GPATCH2L: variants seen among roughly 807,000 people sequenced by gnomAD.
GPATCH2L encodes G patch domain-containing protein 2-like.
GPATCH2L carries 31 observed loss-of-function variants against 57.4 expected under a neutral mutation model. The ratio of observed to expected loss-of-function variants is 0.54; its 90% CI spans 0.41 to 0.73. The LOEUF (loss-of-function observed/expected upper bound fraction) is 0.73. Among genes scored for constraint, GPATCH2L ranks in the 30% least tolerant of loss-of-function variants. GPATCH2L has a pLI of 0.00. For synonymous variants in GPATCH2L, 199 were observed against 210.7 expected (o/e 0.94, Z 0.48); for missense variants, 481 against 599.9 (o/e 0.80, Z 2.07).
chr14:76,176,115 AT>A (rs2039313639), intron 5 of GPATCH2L: 1 of 152,384 alleles, frequency 6.6e-6, no homozygotes, highest in South Asian at 2.1e-4. Flanking sequence ...CAGAGTAACA[AT>A]TTTTGCAAGT....
chr14:76,154,675 C>A lies in GPATCH2L; in HGVS notation c.312C>A (p.Val104=). The A allele has an allele frequency of 6.2e-7, 1 of 1,614,184 alleles. No individual in the cohort carries two copies. Among genetic ancestry groups the A allele is most frequent in the Non-Finnish European group, 8.5e-7 (1 of 1,180,032 alleles). Residue 104 remains valine, a synonymous_variant, in exon 2 of 10, where the codon GTC becomes GTA. Coordinates refer to ENST00000261530, the MANE Select transcript of GPATCH2L (RefSeq NM_017926.4). This position sits in a 1 kb window ranked among gnomAD's most constrained non-coding sequence, Gnocchi z 4.4. ...AKRHPALNAI[V]KSKQHSWHES... is the part of the protein sequence containing the mutation. ...GACACCCAGCTCTCAATGCCATTGT[C>A]AAGAGTAAGCAACATTCTTGGCATG...
chr14:76,180,921 T>C, intron 8 of GPATCH2L, 72 bp downstream of exon 8: 2 of 901,838 alleles, frequency 2.2e-6, no homozygotes, highest in Non-Finnish European at 3.7e-6. Context: ...CCTCAAATTA[T>C]AGAGTATGCT....
chr14:76,196,751 C>T (rs1274475801), intron 9 of GPATCH2L, among the ~76,000 whole-genome samples: 1 of 151,960 alleles, frequency 6.6e-6, no homozygotes, highest in Non-Finnish European at 1.5e-5. Context: ...ATTTTATTTT[C>T]TTTAGAAAAT....
At chr14:76,191,368 G>A (rs1291252628) in intron 8 of GPATCH2L, among the ~76,000 whole-genome samples, 2 of 152,064 alleles carry the variant, frequency 1.3e-5, no homozygotes, top group East Asian at 3.9e-4. Context: ...CTGGAATTTG[G>A]GGATGAACAA....
chr14:76,167,675 A>G (rs981271584), intron 3 of GPATCH2L, among the ~76,000 whole-genome samples: 13 of 152,152 alleles, frequency 8.5e-5, no homozygotes, highest in Admixed American at 3.9e-4. Flanking sequence ...TGAGCTTCCT[A>G]CTGTAATGGA....
At position 76,206,446 on chromosome 14, in the gene GPATCH2L, A is replaced by T. The variant is rs1441717041; in HGVS notation, c.*4595A>T. 1 of 152,100 alleles carries T rather than the reference A, an allele frequency of 6.6e-6. No individual in the cohort carries two copies. Among genetic ancestry groups the T allele is most frequent in the Admixed American group, 6.5e-5 (1 of 15,272 alleles). The allele number at this position is 152,100 out of a possible 1,614,324, so 9.4% of individuals were successfully genotyped here. On this transcript the variant is annotated 3_prime_UTR_variant, in exon 10 of 10. Coordinates refer to ENST00000261530, the MANE Select transcript of GPATCH2L (RefSeq NM_017926.4). ...AAACAAACTATGGCCAAAAGAAGAA[A>T]TTTTTCTGTCACTGCGAGTAGACAT...
At position 76,211,198 on chromosome 14, in the gene GPATCH2L, AAG is replaced by A. The variant is rs1222356114; in HGVS notation, c.*9353_*9354del. 1 of 152,278 alleles carries A rather than the reference AAG, an allele frequency of 6.6e-6. No individual in the cohort carries two copies. Among genetic ancestry groups the A allele is most frequent in the Non-Finnish European group, 1.5e-5 (1 of 68,094 alleles). 9.4% of individuals were successfully genotyped at this position (152,278 alleles called of 1,614,324 possible). On this transcript the variant is annotated 3_prime_UTR_variant, in exon 10 of 10. Transcript: ENST00000261530. ...CACATGTAAAGCTTACAGAGGAACA[AAG>A]AGAGAAAGGCAAGAGCCAGGAAGTG...
At chr14:76,186,415 A>C (rs921444185) in intron 8 of GPATCH2L, among the ~76,000 whole-genome samples, 1 of 152,144 alleles carries the variant, frequency 6.6e-6, no homozygotes, top group African/African-American at 2.4e-5. Flanking sequence ...AAAGAGTAAG[A>C]AGAAGACTCA....
At chr14:76,164,149 A>C (rs1301462432) in intron 2 of GPATCH2L, among the ~76,000 whole-genome samples, 4 of 152,286 alleles carry the variant, frequency 2.6e-5, no homozygotes, top group Non-Finnish European at 5.9e-5. Flanking sequence ...TGGGATGTTG[A>C]CTGCTGCATC....
chr14:76,232,298 T>G (rs1326357130), intron 2 of GPATCH2L, among the ~76,000 whole-genome samples: 1 of 152,166 alleles, frequency 6.6e-6, no homozygotes, highest in African/African-American at 2.4e-5. Flanking sequence ...TTACAGTTGT[T>G]CCCAGGCTTT....
intron 1 of GPATCH2L, among the ~76,000 whole-genome samples, chr14:76,223,817 C>G (rs757786704): frequency 8.5e-5 from 13 of 152,136 alleles, no homozygotes; most frequent in Non-Finnish European, 1.3e-4. Context: ...GCATGGCCAA[C>G]AAGCACACGA....
rs181938217 is a variant in GPATCH2L at position 76,183,485 on chromosome 14, A to T, written c.1193+2636A>T. Among the ~76,000 whole-genome samples the T allele has an allele frequency of 4.9e-3, 746 of 152,006 alleles. 10 individuals are homozygous for T. Among genetic ancestry groups the T allele is most frequent in the African/African-American group, 0.017 (686 of 41,442 alleles). ...TTTATAGCAAAAAAATTATAGCAAA[A>T]TTTTTTTTGTTTTAAATTATACATA... On this transcript the variant is annotated intron_variant, in intron 8 of 9. Transcript: ENST00000261530.
chr14:76,216,049 A>T (rs543253824), downstream of GPATCH2L, among the ~76,000 whole-genome samples: 1 of 152,106 alleles, frequency 6.6e-6, no homozygotes, highest in East Asian at 1.9e-4. Context: ...GCTGACTGAG[A>T]TGGATGCAGG....
At chr14:76,232,104 G>T (rs1181531289) in intron 2 of GPATCH2L, among the ~76,000 whole-genome samples, 3 of 21,020 alleles carry the variant, frequency 1.4e-4, no homozygotes, top group African/African-American at 2.7e-4. Flanking sequence ...TAGCAACAGG[G>T]TCTCACCATA....
intron 2 of GPATCH2L, among the ~76,000 whole-genome samples, chr14:76,165,408 C>T (rs1186853085): frequency 6.6e-6 from 1 of 151,042 alleles, no homozygotes; most frequent in Admixed American, 6.6e-5. Context: ...AGGAGAATTG[C>T]TTGAACCTGG....
chr14:76,161,853 T>C (rs899591380), intron 2 of GPATCH2L, among the ~76,000 whole-genome samples: 1 of 152,132 alleles, frequency 6.6e-6, no homozygotes, highest in African/African-American at 2.4e-5. Flanking sequence ...CTGACCAATG[T>C]GGTGAAACCT....
At position 76,195,872 on chromosome 14, in the gene GPATCH2L, C is replaced by T. The variant is rs1436522914; in HGVS notation, c.1194-6C>T. 1 of 1,606,978 alleles carries T rather than the reference C, an allele frequency of 6.2e-7. No individual in the cohort carries two copies. On this transcript the variant is annotated splice_polypyrimidine_tract_variant and splice_region_variant and intron_variant, in intron 8 of 9. Coordinates refer to ENST00000261530, the MANE Select transcript of GPATCH2L (RefSeq NM_017926.4). ...CAAACCATTTTTCTTCTTCTTACATCTGCAGACAGGCAAATGTACACTGGG... is the reference window on the plus strand; with the variant it reads ...CAAACCATTTTTCTTCTTCTTACATTTGCAGACAGGCAAATGTACACTGGG...
intron 2 of GPATCH2L, among the ~76,000 whole-genome samples, chr14:76,165,446 C>T (rs1291288226): frequency 2.7e-5 from 4 of 149,664 alleles, no homozygotes; most frequent in Admixed American, 1.3e-4. Context: ...GAGCCGAGAT[C>T]GCACCACAGC....
chr14:76,201,453 T>C (rs2040308431), intron 9 of GPATCH2L, among the ~76,000 whole-genome samples: 1 of 152,246 alleles, frequency 6.6e-6, no homozygotes, highest in African/African-American at 2.4e-5. Context: ...TGCGTGCTAC[T>C]GAATTTATTT....
Sources: allele counts gnomAD v4.1 joint callset (sites outside exome capture counted in the v4.1 genomes callset), GRCh38; gene constraint gnomAD v4.1.1; non-coding constraint Gnocchi (gnomAD v3.1); transcripts MANE v1.5; gene names NCBI Gene and HGNC (gene_info 2026-07-23, HGNC 2026-07-21).